PRELID2: variants seen among roughly 807,000 people sequenced by gnomAD.
PRELID2 encodes PRELI domain containing 2, also known as PRELI domain-containing protein 2.
A neutral mutation model predicts 28.4 loss-of-function variants in PRELID2; 25 were observed. The observed-to-expected ratio is 0.88, with a 90% CI of 0.64 to 1.23. The LOEUF (loss-of-function observed/expected upper bound fraction) is 1.23. Among genes scored for constraint, PRELID2 ranks in the 50% most tolerant of loss-of-function variants. PRELID2 has a pLI of 0.00. For synonymous variants in PRELID2, 76 were observed against 71.6 expected (o/e 1.06, Z -0.31); for missense variants, 201 against 214.4 (o/e 0.94, Z 0.39).
At chr5:145,457,343 G>T in the PRELID2 span, among the ~76,000 whole-genome samples, 2 of 152,120 alleles carry the variant, frequency 1.3e-5, no homozygotes, top group African/African-American at 2.4e-5. Context: ...ACCATCTTTG[G>T]CAAGGGAGTA....
intron 1 of PRELID2, among the ~76,000 whole-genome samples, chr5:145,650,204 C>A (rs1754265000): frequency 6.6e-6 from 1 of 152,024 alleles, no homozygotes; most frequent in South Asian, 2.1e-4. Context: ...TCTATTTTCA[C>A]CATTCTGCCT....
intron 1 of PRELID2, among the ~76,000 whole-genome samples, chr5:145,521,564 C>CATAT (rs59116081): frequency 2.0e-5 from 3 of 151,666 alleles, no homozygotes; most frequent in African/African-American, 4.8e-5. Context: ...CACACACACA[C>CATAT]ATATATATAT....
chr5:145,501,484 A>C (rs922399185), intron 1 of PRELID2, among the ~76,000 whole-genome samples: 31 of 152,058 alleles, frequency 2.0e-4, no homozygotes, highest in Non-Finnish European at 3.4e-4. Flanking sequence ...GTGGGAGGTA[A>C]TTGAATCATG....
At chr5:145,676,376 A>G (rs138036631) in intron 1 of PRELID2, among the ~76,000 whole-genome samples, 2,248 of 152,232 alleles carry the variant, frequency 0.015, 58 homozygotes, top group African/African-American at 0.051. Context: ...TGTCTCTACT[A>G]AAAATACAAA....
At chr5:145,768,870 A>G (rs338894) in intron 5 of PRELID2, among the ~76,000 whole-genome samples, 120,488 of 151,886 alleles carry the variant, frequency 0.79, 48,408 homozygotes, top group East Asian at 0.91. Flanking sequence ...GTCTAAGCAG[A>G]ACAGTTAGAA....
At chr5:145,340,782 T>C in the PRELID2 span, among the ~76,000 whole-genome samples, 1 of 143,818 alleles carries the variant, frequency 7.0e-6, no homozygotes. Flanking sequence ...TATATATATA[T>C]ATATATATAT....
At chr5:145,563,490 T>G (rs1210657708) in intron 1 of PRELID2, among the ~76,000 whole-genome samples, 3 of 152,172 alleles carry the variant, frequency 2.0e-5, no homozygotes, top group African/African-American at 7.2e-5. Context: ...AAATGCAACA[T>G]CCTGCTCAAC....
chr5:145,379,886 A>T, the PRELID2 span, among the ~76,000 whole-genome samples: 1 of 152,068 alleles, frequency 6.6e-6, no homozygotes, highest in African/African-American at 2.4e-5. Context: ...TCCAGGCTAG[A>T]TCCCCAGGAG....
the PRELID2 span, among the ~76,000 whole-genome samples, chr5:145,330,613 G>C: frequency 2.0e-5 from 3 of 152,056 alleles, no homozygotes; most frequent in Admixed American, 2.0e-4. Context: ...TGAAATCAGT[G>C]GTCTTATCCC....
chr5:145,706,243 G>A (rs1014909868), intron 1 of PRELID2, among the ~76,000 whole-genome samples: 6 of 152,150 alleles, frequency 3.9e-5, no homozygotes, highest in African/African-American at 9.7e-5. Flanking sequence ...GCTCCGGGTC[G>A]CACTGGAAGC....
intron 1 of PRELID2, among the ~76,000 whole-genome samples, chr5:145,600,899 C>A (rs1753386641): frequency 6.6e-6 from 1 of 152,100 alleles, no homozygotes; most frequent in Non-Finnish European, 1.5e-5. Context: ...TTCCTTTAAT[C>A]CCAGTGCTTT....
chr5:145,773,738 G>C (rs1023119629), intron 5 of PRELID2, among the ~76,000 whole-genome samples: 1 of 152,142 alleles, frequency 6.6e-6, no homozygotes, highest in Non-Finnish European at 1.5e-5. Flanking sequence ...CCCTTTATCA[G>C]CCATTTTTTC....
chr5:145,295,835 G>A, the PRELID2 span, among the ~76,000 whole-genome samples: 1 of 152,124 alleles, frequency 6.6e-6, no homozygotes, highest in South Asian at 2.1e-4. Context: ...AGTAGACAAT[G>A]TAATTTAAAA....
chr5:145,828,008 C>T (rs983394559), intron 1 of PRELID2, among the ~76,000 whole-genome samples: 2 of 151,150 alleles, frequency 1.3e-5, no homozygotes, highest in African/African-American at 4.9e-5. Flanking sequence ...TTCTTTGTTT[C>T]TGCAATATTG....
At chr5:145,514,209 T>C (rs775552782) in intron 1 of PRELID2, among the ~76,000 whole-genome samples, 2 of 151,462 alleles carry the variant, frequency 1.3e-5, no homozygotes, top group African/African-American at 4.9e-5. Flanking sequence ...GCAAATTGGA[T>C]AGTCAAGACC....
At chr5:145,637,219 A>G (rs765159723) in intron 1 of PRELID2, among the ~76,000 whole-genome samples, 1 of 152,260 alleles carries the variant, frequency 6.6e-6, no homozygotes, top group Non-Finnish European at 1.5e-5. Context: ...TGGGCACTGC[A>G]TAACAGACAT....
intron 4 of PRELID2, among the ~76,000 whole-genome samples, chr5:145,817,208 TAAATAAAAAAAA>T (rs1277705459): frequency 0.01 from 781 of 77,638 alleles, 36 homozygotes; most frequent in Admixed American, 0.014. Context: ...AATAAATAAA[TAAATAAAAAAAA>T]ATATATATAT....
downstream of PRELID2, among the ~76,000 whole-genome samples, chr5:145,756,170 G>T (rs1289144738): frequency 2.0e-5 from 3 of 152,072 alleles, no homozygotes; most frequent in African/African-American, 7.2e-5. Context: ...GCTTATTTCT[G>T]GAAGAAACTC....
downstream of PRELID2, among the ~76,000 whole-genome samples, chr5:145,471,596 T>A (rs1752054780): frequency 6.6e-6 from 1 of 152,110 alleles, no homozygotes; most frequent in Admixed American, 6.6e-5. Context: ...CACACATTTT[T>A]TTTTTTACAT....
Sources: allele counts gnomAD v4.1 joint callset (sites outside exome capture counted in the v4.1 genomes callset), GRCh38; gene constraint gnomAD v4.1.1; transcripts MANE v1.5; gene names NCBI Gene and HGNC (gene_info 2026-07-23, HGNC 2026-07-21).